Variants in RPL29 observed in about 807,000 individuals in gnomAD.
RPL29 encodes large ribosomal subunit protein eL29.
In RPL29, 4 loss-of-function variants were observed where a neutral mutation model predicts 7.2. That is an observed-to-expected ratio of 0.55 (90% CI 0.27 to 1.26). RPL29 has a LOEUF of 1.26. Ranked by LOEUF, RPL29 falls within the 50% of genes most tolerant of loss-of-function variation. The pLI, the probability that RPL29 is intolerant of heterozygous loss-of-function variation, is 0.11. For synonymous variants in RPL29, 73 were observed against 72.8 expected, an observed-to-expected ratio of 1.00 and a Z score of -0.01; for missense variants, 148 against 209.1, an observed-to-expected ratio of 0.71 and a Z score of 1.80.
chr3:51,995,086 C>A lies in RPL29; in HGVS notation c.58G>T (p.Gly20Cys). Reference sequence around the variant, plus strand: ...CTTTGTGATCGGGGTTTCTTGATACCATTTCTGTGCCATTTTCGGGCTGTG... The same window carrying A: ...CTTTGTGATCGGGGTTTCTTGATACAATTTCTGTGCCATTTTCGGGCTGTG... Reference protein sequence around the residue: ...HNQSRKWHRNGIKKPRSQRYE... With the variant: ...HNQSRKWHRNCIKKPRSQRYE... Residue 20 changes from glycine to cysteine, a missense_variant, in exon 3 of 4, where the codon GGT (glycine) becomes TGT (cysteine). By Grantham distance (159) the Gly-to-Cys change is radical. Coordinates refer to ENST00000294189, the MANE Select transcript of RPL29 (RefSeq NM_000992.3). The A allele has an allele frequency of 6.2e-7, 1 of 1,607,444 alleles. No individual in the cohort carries two copies. Among genetic ancestry groups the A allele is most frequent in the Non-Finnish European group, 8.5e-7 (1 of 1,176,300 alleles).
intron 3 of RPL29, chr3:51,994,782 C>CA: frequency 1.4e-6 from 1 of 700,258 alleles, no homozygotes; most frequent in East Asian, 2.7e-5. Context: ...CCCTAAGTGC[C>CA]ACTGCCAAGC....
At chr3:51,995,295 A>G (rs966451679) in intron 2 of RPL29, 130 bp downstream of exon 2, 14 of 1,131,200 alleles carry the variant, frequency 1.2e-5, no homozygotes, top group Non-Finnish European at 1.9e-5. Flanking sequence ...TATAAACCCT[A>G]AAGTTATTAC....
intron 3 of RPL29, 87 bp downstream of exon 3, chr3:51,994,955 C>A: frequency 8.2e-7 from 1 of 1,219,964 alleles, no homozygotes; most frequent in Non-Finnish European, 1.2e-6. Context: ...CAGGCAGAAG[C>A]CAAAGCTAGA....
chr3:51,995,191 GAACCAAC>G, intron 2 of RPL29, 85 bp from the exon 3 acceptor site: 1 of 1,221,700 alleles, frequency 8.2e-7, no homozygotes, highest in South Asian at 1.3e-5. Context: ...AAGTCTGGGA[GAACCAAC>G]ACTTCCTACA....
At chr3:51,995,291 C>T (rs1701299853) in intron 2 of RPL29, 134 bp downstream of exon 2, 2 of 1,111,018 alleles carry the variant, frequency 1.8e-6, no homozygotes, top group Non-Finnish European at 2.7e-6. Context: ...AACCTATAAA[C>T]CCTAAAGTTA....
chr3:51,995,057 G>C lies in RPL29; in HGVS notation c.87C>G (p.Tyr29Ter), dbSNP rs549511263. 1 of 1,612,428 alleles carries C rather than the reference G, an allele frequency of 6.2e-7. No homozygotes were observed. The highest frequency in any genetic ancestry group is 8.5e-7 in the Non-Finnish European group (1 of 1,179,372). The part of the protein sequence containing the change: ...NGIKKPRSQR[Y>*]ESLKGVDPKF... Reference sequence around the variant, plus strand: ...GTGCACTCACCCCCTTAAGAGATTCGTATCTTTGTGATCGGGGTTTCTTGA... The same window carrying C: ...GTGCACTCACCCCCTTAAGAGATTCCTATCTTTGTGATCGGGGTTTCTTGA... The change falls in exon 3 of 4, where the codon TAC (tyrosine) becomes TAG (stop). Residue 29 changes from tyrosine to a stop codon, truncating the protein, a stop_gained. Transcript: ENST00000294189. LOFTEE classifies it low-confidence loss of function (END_TRUNC).
At chr3:51,995,754 T>G in intron 1 of RPL29, 103 bp downstream of exon 1, 1 of 433,698 alleles carries the variant, frequency 2.3e-6, no homozygotes, top group African/African-American at 2.0e-5. Context: ...CAGCTTTTGC[T>G]CCCGACAGAC....
At chr3:51,995,673 C>T (rs1459679481) in intron 1 of RPL29, 184 bp downstream of exon 1, 2 of 596,128 alleles carry the variant, frequency 3.4e-6, no homozygotes, top group Admixed American at 5.8e-5. Context: ...CCCCGGAAAG[C>T]TGCATTCCCC....
At chr3:51,994,192 C>A in intron 3 of RPL29, 66 bp from the exon 4 acceptor site, 1 of 1,512,808 alleles carries the variant, frequency 6.6e-7, no homozygotes. Context: ...CTGCCCCTCT[C>A]CATAGGGGTA....
At chr3:51,994,233 C>T in intron 3 of RPL29, 107 bp from the exon 4 acceptor site, 1 of 1,397,922 alleles carries the variant, frequency 7.2e-7, no homozygotes. Context: ...ATCAAGTCAA[C>T]CTCAAATGTG....
chr3:51,994,376 G>A, intron 3 of RPL29: 1 of 487,634 alleles, frequency 2.1e-6, no homozygotes, highest in Non-Finnish European at 3.6e-6. Flanking sequence ...TGCCCTGTCT[G>A]CCAAGGTTGT....
intron 3 of RPL29, chr3:51,994,349 A>G: frequency 1.9e-6 from 1 of 540,006 alleles, no homozygotes; most frequent in Non-Finnish European, 3.2e-6. Context: ...CAAGAACAAA[A>G]TTACAAGCTG....
rs531738256 is a variant in RPL29, at chr3:51,995,778, C to T, written c.-9+79G>A. The T allele has an allele frequency of 4.9e-4, 190 of 387,528 alleles. 4 individuals carry two copies. The South Asian group carries it at 5.2e-3, about 11-fold the overall frequency. The allele number at this position is 387,528 out of a possible 1,614,324, so 24.0% of individuals were successfully genotyped here. A position where few individuals can be genotyped will look rare whatever the true frequency, so the allele number is the denominator to read the frequency against. On this transcript the variant is annotated intron_variant, in intron 1 of 3. Coordinates refer to ENST00000294189, the MANE Select transcript of RPL29 (RefSeq NM_000992.3). ...CTCCCGACAGACACACGGTCGGTCA[C>T]CAGTCCTCTCCGCAGCCCGCGCCCC...
At chr3:51,995,528 C>T (rs576097564) in intron 1 of RPL29, 59 bp from the exon 2 acceptor site, 75 of 1,531,512 alleles carry the variant, frequency 4.9e-5, no homozygotes, top group Non-Finnish European at 2.8e-5. Flanking sequence ...CACCTCTGCC[C>T]CCCCCATTCT....
intron 1 of RPL29, 113 bp from the exon 2 acceptor site, chr3:51,995,582 G>T: frequency 9.6e-7 from 1 of 1,037,114 alleles, no homozygotes; most frequent in Non-Finnish European, 1.5e-6. Flanking sequence ...GCCTCCACGA[G>T]TCTCGGCTTA....
In RPL29 at chr3:51,994,052, G is replaced by A. The variant is rs758197947; in HGVS notation, c.177C>T (p.Ala59=). The change falls in exon 4 of 4, where the codon GCC becomes GCT. Residue 59 remains alanine (A), a synonymous_variant. Coordinates refer to ENST00000294189, the MANE Select transcript of RPL29 (RefSeq NM_000992.3). ...HNKKGLKKMQ[A]NNAKAMSARA... ...GTGCACTCATGGCCTTGGCATTGTT[G>A]GCCTGCATCTTCTTTAGGCCCTTTT... is the stretch of plus-strand genomic sequence containing the variant. 4.7e-5 allele frequency: 75 copies of A among 1,601,328 alleles called. No homozygotes were observed. The highest frequency in any genetic ancestry group is 6.0e-5 in the Non-Finnish European group (71 of 1,179,120).
At chr3:51,994,406 G>A in intron 3 of RPL29, 1 of 418,272 alleles carries the variant, frequency 2.4e-6, no homozygotes, top group Non-Finnish European at 4.3e-6. Context: ...ACTTCCTACA[G>A]CAGGGGTTCG....
Position 51,993,585 on chromosome 3 carries a change from G to C in RPL29, c.*164C>G. On this transcript the variant is annotated 3_prime_UTR_variant, in exon 4 of 4. Coordinates refer to ENST00000294189, the MANE Select transcript of RPL29 (RefSeq NM_000992.3). ...GTCTTCTCCCACACCAACAGATGGA[G>C]CAACCAAACCCATCCCCAGGATCAT... The C allele has an allele frequency of 1.4e-6, 1 of 737,280 alleles. No homozygotes were observed. 45.7% of individuals were successfully genotyped at this position (737,280 alleles called of 1,614,324 possible). A position where few individuals can be genotyped will look rare whatever the true frequency, so the allele number is the denominator to read the frequency against.
chr3:51,994,870 A>G (rs966377749), intron 3 of RPL29, 172 bp downstream of exon 3: 2 of 764,674 alleles, frequency 2.6e-6, no homozygotes, highest in African/African-American at 1.7e-5. Context: ...GTGGAGACCA[A>G]GGAAAGCTTT....
Sources: gnomAD v4.1 joint callset for allele counts on GRCh38, gnomAD v4.1.1 for gene constraint, MANE v1.5 for transcripts, NCBI Gene and HGNC (gene_info 2026-07-23, HGNC 2026-07-21) for gene names.